PTPRT: variants seen among roughly 807,000 people sequenced by gnomAD.
The protein encoded by PTPRT is receptor-type tyrosine-protein phosphatase T.
A neutral mutation model predicts 176.8 loss-of-function variants in PTPRT; 56 were observed. The observed-to-expected ratio is 0.32, with a 90% CI of 0.26 to 0.40. The LOEUF is 0.40. Among genes scored for constraint, PTPRT ranks in the 10% least tolerant of loss-of-function variants. PTPRT has a pLI of 1.00. For missense variants in PTPRT, 1,540 were observed against 1,908.2 expected, an observed-to-expected ratio of 0.81 and a Z score of 3.60; for synonymous variants, 783 against 739.0, an observed-to-expected ratio of 1.06 and a Z score of -0.96.
chr20:42,780,135 G>T, intron 4 of PTPRT, 83 bp downstream of exon 4: 1 of 1,101,770 alleles, frequency 9.1e-7, no homozygotes, highest in Non-Finnish European at 1.4e-6. Flanking sequence ...TTTGTAAGCT[G>T]AATGAATGGA....
intron 7 of PTPRT, among the ~76,000 whole-genome samples, chr20:42,487,921 C>T (rs992014424): frequency 6.6e-6 from 1 of 152,208 alleles, no homozygotes; most frequent in Non-Finnish European, 1.5e-5. Context: ...ATGTTTTATA[C>T]ACTGTCTTCT....
intron 2 of PTPRT, among the ~76,000 whole-genome samples, chr20:42,791,816 G>T (rs190041010): frequency 2.8e-4 from 42 of 152,334 alleles, no homozygotes; most frequent in African/African-American, 1.0e-3. Context: ...CTTGTAGGAC[G>T]AAGTGAGCCT....
chr20:42,972,350 G>A (rs1251383244), intron 1 of PTPRT, among the ~76,000 whole-genome samples: 1 of 151,402 alleles, frequency 6.6e-6, no homozygotes, highest in African/African-American at 2.4e-5. Flanking sequence ...AGGTGATGTG[G>A]GGCTCTACAA....
chr20:42,072,961 C>G lies in PTPRT; in HGVS notation c.*7918G>C, dbSNP rs1982434018. 1 of 216,450 alleles carries G rather than the reference C, an allele frequency of 4.6e-6. No individual in the cohort carries two copies. Among genetic ancestry groups the G allele is most frequent in the Admixed American group, 5.8e-5 (1 of 17,242 alleles). 13.4% of individuals were successfully genotyped at this position (216,450 alleles called of 1,614,324 possible). On this transcript the variant is annotated 3_prime_UTR_variant, in exon 31 of 31. Transcript: ENST00000373187. ...ATTATTTACCTTCTGCTTTTCTGAG[C>G]TAGAATTGAAAAGAAAAAAAAAACA...
the PTPRT span, among the ~76,000 whole-genome samples, chr20:42,052,229 C>A: frequency 2.0e-5 from 3 of 152,152 alleles, no homozygotes; most frequent in East Asian, 1.9e-4. Flanking sequence ...GACCTGGAGA[C>A]CCTTGTGCTC....
chr20:42,475,831 T>G (rs1045478317), intron 7 of PTPRT, among the ~76,000 whole-genome samples: 3 of 152,158 alleles, frequency 2.0e-5, no homozygotes, highest in Non-Finnish European at 4.4e-5. Flanking sequence ...AGCATCTTTT[T>G]AAAGAAGACA....
chr20:42,371,764 C>G (rs995139563), intron 9 of PTPRT, among the ~76,000 whole-genome samples: 12 of 152,218 alleles, frequency 7.9e-5, no homozygotes, highest in African/African-American at 2.9e-4. Flanking sequence ...AGAACCTCAA[C>G]TACACTGGCT....
intron 12 of PTPRT, among the ~76,000 whole-genome samples, chr20:42,296,947 T>C (rs2057396215): frequency 6.6e-6 from 1 of 151,970 alleles, no homozygotes; most frequent in African/African-American, 2.4e-5. Flanking sequence ...AACAAAGAAA[T>C]ATATAAATAT....
At chr20:42,401,030 C>G (rs2058901237) in intron 9 of PTPRT, among the ~76,000 whole-genome samples, 1 of 151,670 alleles carries the variant, frequency 6.6e-6, no homozygotes, top group Non-Finnish European at 1.5e-5. Flanking sequence ...GGTGTTGGGT[C>G]TACTTTTTAA....
intron 6 of PTPRT, among the ~76,000 whole-genome samples, chr20:42,746,762 C>T (rs1256907016): frequency 6.6e-6 from 1 of 152,110 alleles, no homozygotes; most frequent in Non-Finnish European, 1.5e-5. Flanking sequence ...GGTTTCTCTG[C>T]TTTGAAATAG....
intron 16 of PTPRT, among the ~76,000 whole-genome samples, chr20:42,166,898 G>C (rs1269930907): frequency 6.6e-6 from 1 of 151,812 alleles, no homozygotes; most frequent in Non-Finnish European, 1.5e-5. Context: ...TCCAGCCAGG[G>C]GTGACAGAGC....
At chr20:42,928,911 T>C (rs973815335) in intron 1 of PTPRT, among the ~76,000 whole-genome samples, 1 of 152,188 alleles carries the variant, frequency 6.6e-6, no homozygotes, top group Non-Finnish European at 1.5e-5. Flanking sequence ...TTGATTCCTG[T>C]CATATCTAAC....
chr20:42,217,065 C>T (rs1386949007), intron 15 of PTPRT, among the ~76,000 whole-genome samples: 1 of 152,180 alleles, frequency 6.6e-6, no homozygotes, highest in African/African-American at 2.4e-5. Flanking sequence ...AACTTTTCTT[C>T]ATCAGTCACC....
At chr20:42,312,262 A>G (rs1294919154) in intron 12 of PTPRT, among the ~76,000 whole-genome samples, 1 of 152,182 alleles carries the variant, frequency 6.6e-6, no homozygotes, top group East Asian at 1.9e-4. Context: ...GAGCCCCTGG[A>G]TACCGAGAAT....
At chr20:42,607,785 C>A (rs1314182933) in intron 7 of PTPRT, among the ~76,000 whole-genome samples, 1 of 152,120 alleles carries the variant, frequency 6.6e-6, no homozygotes, top group Non-Finnish European at 1.5e-5. Context: ...AATGAGCAGG[C>A]AGAGGGACCT....
intron 30 of PTPRT, among the ~76,000 whole-genome samples, chr20:42,081,480 T>C (rs4812578): frequency 0.035 from 5,354 of 152,270 alleles, 287 homozygotes; most frequent in East Asian, 0.17. Flanking sequence ...TTTATCACAC[T>C]TTCCTCCATA....
chr20:42,671,841 T>G (rs1424477109), intron 7 of PTPRT, among the ~76,000 whole-genome samples: 2 of 152,176 alleles, frequency 1.3e-5, no homozygotes, highest in African/African-American at 4.8e-5. Context: ...CAGAACAGCA[T>G]GAAGACACAG....
chr20:42,082,901 T>C (rs1008471387), intron 29 of PTPRT, among the ~76,000 whole-genome samples: 3 of 152,154 alleles, frequency 2.0e-5, no homozygotes, highest in Non-Finnish European at 4.4e-5. Context: ...ATCTCCCAGA[T>C]GTTTTATCTA....
At chr20:42,148,260 ATTT>A (rs34255255) in intron 17 of PTPRT, among the ~76,000 whole-genome samples, 3,854 of 114,044 alleles carry the variant, frequency 0.034, 154 homozygotes, top group African/African-American at 0.11. Context: ...CAAGGCAGTC[ATTT>A]TTTTTTTTTT....
Sources: gnomAD v4.1 joint callset for allele counts (sites outside exome capture counted in the v4.1 genomes callset) on GRCh38, gnomAD v4.1.1 for gene constraint, MANE v1.5 for transcripts, NCBI Gene and HGNC (gene_info 2026-07-23, HGNC 2026-07-21) for gene names.